FRYL: variants seen among roughly 807,000 people sequenced by gnomAD.
FRYL encodes the protein FRY like transcription coactivator, also known as protein furry homolog-like.
In FRYL, 150 loss-of-function variants were observed where a neutral mutation model predicts 351.2. The ratio of observed to expected loss-of-function variants is 0.43; its 90% CI spans 0.37 to 0.49. The LOEUF (loss-of-function observed/expected upper bound fraction) is 0.49. FRYL is among the 20% of genes least tolerant of loss of function. The pLI is 0.00. For synonymous variants in FRYL, 1,153 were observed against 1,257.1 expected (o/e 0.92, Z 1.75); for missense variants, 3,036 against 3,619.3 (o/e 0.84, Z 4.13).
At chr4:48,531,763 T>A (rs1387613965) in intron 49 of FRYL, among the ~76,000 whole-genome samples, 1 of 152,166 alleles carries the variant, frequency 6.6e-6, no homozygotes, top group African/African-American at 2.4e-5. Flanking sequence ...CAGATAAAAA[T>A]TTTTTAACGA....
chr4:48,567,309 T>C lies in FRYL; in HGVS notation c.3108A>G (p.Thr1036=). 6.2e-7 allele frequency: 1 copy of C among 1,613,024 alleles called. No homozygotes were observed. The highest frequency in any genetic ancestry group is 8.5e-7 in the Non-Finnish European group (1 of 1,179,498). The change falls in exon 28 of 64, where the codon ACA becomes ACG. Residue 1036 remains threonine (T), a synonymous_variant. Transcript: ENST00000358350. The surrounding 1 kb of genome is among the most constrained non-coding windows in gnomAD (Gnocchi z 4.2). ...TAAAATGGCATCGTATATCCTTCAGTGTGTCAGAGTCTTTTTCATTTTCTG... is the reference window on the plus strand; with the variant it reads ...TAAAATGGCATCGTATATCCTTCAGCGTGTCAGAGTCTTTTTCATTTTCTG... ...LEAENEKDSD[T]LKDIRCHFSA...
intron 47 of FRYL, among the ~76,000 whole-genome samples, chr4:48,538,069 G>A (rs963461006): frequency 4.6e-5 from 7 of 151,962 alleles, no homozygotes; most frequent in Non-Finnish European, 8.8e-5. Context: ...TTTGTATTAC[G>A]ATTAGACTTT....
intron 3 of FRYL, among the ~76,000 whole-genome samples, chr4:48,635,965 A>G (rs1754148866): frequency 6.6e-6 from 1 of 152,236 alleles, no homozygotes; most frequent in South Asian, 2.1e-4. Context: ...GTCAAATTAA[A>G]AAAACTTGCT....
intron 53 of FRYL, among the ~76,000 whole-genome samples, chr4:48,525,196 T>TATATATATATATATACAC (rs759279145): frequency 7.5e-6 from 1 of 133,054 alleles, no homozygotes; most frequent in African/African-American, 3.0e-5. Context: ...TATATATATA[T>TATATATATATATATACAC]ACACACACTT....
At chr4:48,538,371 G>T (rs1264249626) in intron 47 of FRYL, among the ~76,000 whole-genome samples, 5 of 151,888 alleles carry the variant, frequency 3.3e-5, no homozygotes, top group Non-Finnish European at 7.4e-5. Flanking sequence ...ATTTAATTGG[G>T]GATGGTGTTA....
intron 2 of FRYL, among the ~76,000 whole-genome samples, chr4:48,689,089 T>C (rs1765448185): frequency 1.3e-5 from 2 of 152,206 alleles, no homozygotes; most frequent in Non-Finnish European, 2.9e-5. Flanking sequence ...AGCCATAATA[T>C]TTGGGCTTCA....
intron 1 of FRYL, among the ~76,000 whole-genome samples, chr4:48,745,608 TG>T (rs1772584721): frequency 6.7e-6 from 1 of 148,574 alleles, no homozygotes; most frequent in African/African-American, 2.5e-5. Flanking sequence ...TGTTGTGGGG[TG>T]GGGGGAGTGG....
intron 1 of FRYL, among the ~76,000 whole-genome samples, chr4:48,754,161 T>C (rs1048852814): frequency 6.6e-6 from 1 of 152,196 alleles, no homozygotes; most frequent in African/African-American, 2.4e-5. Context: ...GGAAACCCCA[T>C]ACACATACTA....
Position 48,717,039 on chromosome 4 carries a change from A to G in FRYL, c.-383-6341T>C, listed in dbSNP as rs536762375. On this transcript the variant is annotated intron_variant, in intron 1 of 63. Coordinates refer to ENST00000358350, the MANE Select transcript of FRYL (RefSeq NM_015030.2). ...TCGCAAGAACAAAAAACCAAACACC[A>G]CATATTCTCACTCTTAGGTGGGAAT... Among the ~76,000 whole-genome samples the G allele has an allele frequency of 2.2e-3, 319 of 147,268 alleles. 8 individuals are homozygous for G. Among genetic ancestry groups the G allele is most frequent in the Non-Finnish European group, 4.1e-3 (277 of 66,940 alleles).
chr4:48,569,224 A>C (rs1737673592), intron 27 of FRYL, among the ~76,000 whole-genome samples: 1 of 152,214 alleles, frequency 6.6e-6, no homozygotes, highest in Non-Finnish European at 1.5e-5. Flanking sequence ...TTTTGCATCA[A>C]GCCCACAAGT....
intron 55 of FRYL, among the ~76,000 whole-genome samples, chr4:48,518,202 C>A (rs944245704): frequency 6.6e-6 from 1 of 152,164 alleles, no homozygotes; most frequent in Non-Finnish European, 1.5e-5. Flanking sequence ...CCAAACTAGG[C>A]ACTGTAGTTT....
At chr4:48,580,068 C>CAG (rs113000095) in intron 22 of FRYL, among the ~76,000 whole-genome samples, 3 of 151,528 alleles carry the variant, frequency 2.0e-5, no homozygotes, top group East Asian at 1.9e-4. Context: ...AGCATCATGG[C>CAG]GGGGGGGAAT....
At chr4:48,650,735 T>C (rs918075212) in intron 3 of FRYL, among the ~76,000 whole-genome samples, 2 of 152,032 alleles carry the variant, frequency 1.3e-5, no homozygotes, top group African/African-American at 4.8e-5. Flanking sequence ...GGGAGGGACA[T>C]GAAGAGCCAG....
At chr4:48,631,970 C>A (rs552087861) in intron 4 of FRYL, among the ~76,000 whole-genome samples, 1 of 138,324 alleles carries the variant, frequency 7.2e-6, no homozygotes, top group East Asian at 2.3e-4. Context: ...GGAGGATTGC[C>A]TGAACCTGGG....
chr4:48,699,911 T>C (rs1766560276), intron 2 of FRYL, among the ~76,000 whole-genome samples: 1 of 152,204 alleles, frequency 6.6e-6, no homozygotes, highest in African/African-American at 2.4e-5. Context: ...ATTTAAATCA[T>C]ATTAAGCTAG....
At chr4:48,620,274 A>C (rs1401854799) in intron 6 of FRYL, among the ~76,000 whole-genome samples, 1 of 152,200 alleles carries the variant, frequency 6.6e-6, no homozygotes, top group Non-Finnish European at 1.5e-5. Flanking sequence ...CCTGTATTAC[A>C]ATAATTGCCT....
chr4:48,696,976 A>C (rs1040592316), intron 2 of FRYL, among the ~76,000 whole-genome samples: 7 of 151,996 alleles, frequency 4.6e-5, no homozygotes, highest in African/African-American at 1.7e-4. Flanking sequence ...TTTTGTCTTA[A>C]AATGAATAAT....
intron 2 of FRYL, among the ~76,000 whole-genome samples, chr4:48,695,627 C>T: frequency 6.6e-6 from 1 of 152,044 alleles, no homozygotes; most frequent in Non-Finnish European, 1.5e-5. Flanking sequence ...TGAGCAAAGA[C>T]TTCATGATTA....
At chr4:48,644,323 C>G (rs1172057459) in intron 3 of FRYL, among the ~76,000 whole-genome samples, 1 of 151,458 alleles carries the variant, frequency 6.6e-6, no homozygotes, top group Non-Finnish European at 1.5e-5. Context: ...AATAAACACT[C>G]AAGAAAAGCC....
Sources: allele counts gnomAD v4.1 joint callset (sites outside exome capture counted in the v4.1 genomes callset), GRCh38; gene constraint gnomAD v4.1.1; non-coding constraint Gnocchi (gnomAD v3.1); transcripts MANE v1.5; gene names NCBI Gene and HGNC (gene_info 2026-07-23, HGNC 2026-07-21).